Variants in AP1B1 observed in about 807,000 individuals in gnomAD.
AP1B1 encodes AP-1 complex subunit beta-1.
In AP1B1, 36 loss-of-function variants were observed where a neutral mutation model predicts 104.3. The ratio of observed to expected loss-of-function variants is 0.35; its 90% CI spans 0.26 to 0.46. The LOEUF (loss-of-function observed/expected upper bound fraction) is 0.46. Ranked by LOEUF, AP1B1 falls within the 20% of genes least tolerant of loss-of-function variation. The pLI, the probability that AP1B1 is intolerant of heterozygous loss-of-function variation, is 1.00. For missense variants in AP1B1, 901 were observed against 1,247.9 expected, an observed-to-expected ratio of 0.72 and a Z score of 4.19; for synonymous variants, 504 against 517.5, an observed-to-expected ratio of 0.97 and a Z score of 0.35.
rs5763165 is a variant in AP1B1 at position 29,364,544 on chromosome 22, G to A, written c.38-1438C>T. 1.4e-3 allele frequency among the ~76,000 whole-genome samples: 206 copies of A among 151,378 alleles called. 5 individuals carry two copies. In the East Asian group the frequency reaches 0.027, roughly 20 times the overall value. ...AGCAATTCTCCTGCCTCAGCATACC[G>A]GGTAGCTGGGACTACAGGCGTGCGC... On this transcript the variant is annotated intron_variant, in intron 2 of 22. Transcript: ENST00000357586.
chr22:29,371,170 GTGA>G (rs2062229535), intron 1 of AP1B1, among the ~76,000 whole-genome samples: 1 of 152,174 alleles, frequency 6.6e-6, no homozygotes, highest in Admixed American at 6.5e-5. Flanking sequence ...TTTCTCCATT[GTGA>G]GCACCTAATG....
intron 7 of AP1B1, among the ~76,000 whole-genome samples, chr22:29,353,837 AC>A (rs1322948936): frequency 2.6e-5 from 4 of 152,170 alleles, no homozygotes; most frequent in African/African-American, 9.7e-5. Context: ...AATGGTTGCT[AC>A]TGTCAAGTCC....
rs1435411708 is a variant in AP1B1 at position 29,331,468 on chromosome 22, A to C, written c.2505T>G (p.Phe835Leu). 6.8e-6 allele frequency: 11 copies of C among 1,613,996 alleles called. No homozygotes were observed. The highest frequency in any genetic ancestry group is 8.5e-6 in the Non-Finnish European group (10 of 1,180,006). The change falls in exon 19 of 23, where the codon TTT becomes TTG. Residue 835 changes from phenylalanine to leucine, a missense_variant. Around this residue, in one of 3 missense-constraint regions of AP1B1, gnomAD observed 424 missense variants for 494.0 expected, o/e 0.86. Coordinates refer to ENST00000357586, the MANE Select transcript of AP1B1 (RefSeq NM_001127.4). The part of the protein sequence containing the change: ...FSTLYPLHIL[F>L]VEDGKMDRQM... ...ACTCACCCATCTTCCCGTCCTCCAC[A>C]AAGAGGATGTGCAGTGGGTACAAGG...
At position 29,330,476 on chromosome 22, in the gene AP1B1, C is replaced by A. The variant is rs754456794; in HGVS notation, c.2668G>T (p.Val890Leu). The change falls in exon 21 of 23, where the codon GTG (valine) becomes TTG (leucine). Residue 890 changes from valine (V) to leucine (L), a missense_variant. By Grantham distance (32) the Val-to-Leu change is conservative (BLOSUM62 1). Around this residue, in one of 3 missense-constraint regions of AP1B1, gnomAD observed 424 missense variants for 494.0 expected, o/e 0.86. Coordinates refer to ENST00000357586, the MANE Select transcript of AP1B1 (RefSeq NM_001127.4). Reference sequence around the variant, plus strand: ...TGGTAGAGCATGTCCTGGCCCTCCACGTTCCTCTTGGCGACAGTGAAGATG... The same window carrying A: ...TGGTAGAGCATGTCCTGGCCCTCCAAGTTCCTCTTGGCGACAGTGAAGATG... ...SNIFTVAKRNVEGQDMLYQSL... is the reference protein window; with the variant it reads ...SNIFTVAKRNLEGQDMLYQSL... 1.7e-5 allele frequency: 28 copies of A among 1,613,514 alleles called. No individual in the cohort carries two copies. The East Asian group carries it at 6.0e-4, about 35-fold the overall frequency.
intron 1 of AP1B1, among the ~76,000 whole-genome samples, chr22:29,370,880 C>T (rs1394057041): frequency 6.6e-6 from 1 of 152,218 alleles, no homozygotes; most frequent in African/African-American, 2.4e-5. Context: ...CCACTCAGTG[C>T]ACTGGTGCTG....
chr22:29,335,596 C>T (rs1163675669), intron 16 of AP1B1, among the ~76,000 whole-genome samples: 1 of 152,204 alleles, frequency 6.6e-6, no homozygotes, highest in Non-Finnish European at 1.5e-5. Flanking sequence ...ACCCTCTCCC[C>T]CTTTCCACAG....
intron 1 of AP1B1, among the ~76,000 whole-genome samples, chr22:29,379,440 G>A (rs1421675876): frequency 1.3e-5 from 2 of 152,196 alleles, no homozygotes; most frequent in East Asian, 1.9e-4. Flanking sequence ...ACAGAACAAC[G>A]CTCTTTGTGA....
At chr22:29,373,082 TTGAGAC>T (rs1345082199) in intron 1 of AP1B1, among the ~76,000 whole-genome samples, 2 of 152,140 alleles carry the variant, frequency 1.3e-5, no homozygotes, top group African/African-American at 4.8e-5. Context: ...GGCCAGGAGT[TTGAGAC>T]TGGCTTGGGA....
At chr22:29,346,398 G>A (rs894702688) in intron 11 of AP1B1, among the ~76,000 whole-genome samples, 3 of 152,212 alleles carry the variant, frequency 2.0e-5, no homozygotes, top group African/African-American at 4.8e-5. Context: ...ACAGATAGGG[G>A]ATGCGGGTTG....
At chr22:29,377,883 A>G (rs895771752) in intron 1 of AP1B1, among the ~76,000 whole-genome samples, 1 of 152,068 alleles carries the variant, frequency 6.6e-6, no homozygotes, top group African/African-American at 2.4e-5. Context: ...TTTACAGATG[A>G]GGAAACTGAA....
intron 6 of AP1B1, 46 bp from the exon 7 acceptor site, chr22:29,354,917 A>C: frequency 6.5e-7 from 1 of 1,549,350 alleles, no homozygotes; most frequent in East Asian, 2.3e-5. Flanking sequence ...AGACAAGGGG[A>C]AACATTCTGT....
chr22:29,347,694 CCT>C (rs1602722362), intron 11 of AP1B1, among the ~76,000 whole-genome samples: 4 of 152,316 alleles, frequency 2.6e-5, no homozygotes, highest in South Asian at 4.1e-4. Flanking sequence ...GTGAGGTACC[CCT>C]GTTAGCTACT....
chr22:29,347,070 G>A (rs1273505249), intron 11 of AP1B1, among the ~76,000 whole-genome samples: 2 of 152,122 alleles, frequency 1.3e-5, no homozygotes, highest in Non-Finnish European at 2.9e-5. Flanking sequence ...CTTCCCATGG[G>A]AGTTATTGTG....
At chr22:29,386,950 A>G (rs2062533464) in intron 1 of AP1B1, among the ~76,000 whole-genome samples, 1 of 152,218 alleles carries the variant, frequency 6.6e-6, no homozygotes, top group Non-Finnish European at 1.5e-5. Flanking sequence ...TTTCTCAGAA[A>G]GGCAAAGATT....
chr22:29,331,542 A>G lies in AP1B1; in HGVS notation c.2440-9T>C. The G allele has an allele frequency of 6.2e-7, 1 of 1,614,120 alleles. No individual in the cohort carries two copies. The highest frequency in any genetic ancestry group is 8.5e-7 in the Non-Finnish European group (1 of 1,180,004). ...TTGTTCTTCACGGCCACCTAGGCAC[A>G]AGGGGGTCCCCAGTCAGTCTCTGGG... On this transcript the variant is annotated splice_polypyrimidine_tract_variant and intron_variant, in intron 18 of 22. Coordinates refer to ENST00000357586, the MANE Select transcript of AP1B1 (RefSeq NM_001127.4).
intron 4 of AP1B1, among the ~76,000 whole-genome samples, chr22:29,359,200 G>A (rs567320840): frequency 1.1e-4 from 17 of 152,236 alleles, no homozygotes; most frequent in African/African-American, 3.6e-4. Flanking sequence ...AATACAATAC[G>A]GGTCCCATTT....
At chr22:29,368,004 G>A (rs1357215162) in intron 1 of AP1B1, among the ~76,000 whole-genome samples, 4 of 152,098 alleles carry the variant, frequency 2.6e-5, no homozygotes, top group Non-Finnish European at 5.9e-5. Context: ...AAGTACTATT[G>A]TAGACAATAG....
intron 8 of AP1B1, 98 bp downstream of exon 8, chr22:29,351,607 T>C (rs985726229): frequency 1.3e-6 from 2 of 1,492,610 alleles, no homozygotes; most frequent in Non-Finnish European, 1.8e-6. Flanking sequence ...GATAAACCGT[T>C]AATGGTGAGA....
At chr22:29,359,792 A>C in intron 4 of AP1B1, 32 bp downstream of exon 4, 2 of 1,598,066 alleles carry the variant, frequency 1.3e-6, no homozygotes, top group Non-Finnish European at 1.7e-6. Context: ...TTAAGCACCC[A>C]ATGTCCCCAC....
Sources: gnomAD v4.1 joint callset for allele counts (sites outside exome capture counted in the v4.1 genomes callset) on GRCh38, gnomAD v4.1.1 for gene constraint, gnomAD v4.1.1 regional missense constraint, MANE v1.5 for transcripts, NCBI Gene and HGNC (gene_info 2026-07-23, HGNC 2026-07-21) for gene names.